Variants in MDGA1 observed in about 807,000 individuals in gnomAD.
The protein encoded by MDGA1 is MAM domain containing glycosylphosphatidylinositol anchor 1, also known as MAM domain-containing glycosylphosphatidylinositol anchor protein 1.
A neutral mutation model predicts 101.5 loss-of-function variants in MDGA1; 54 were observed. The ratio of observed to expected loss-of-function variants is 0.53; its 90% CI spans 0.43 to 0.67. The LOEUF (loss-of-function observed/expected upper bound fraction) is 0.67. MDGA1 is among the 30% of genes least tolerant of loss of function. The pLI, the probability that MDGA1 is intolerant of heterozygous loss-of-function variation, is 0.00. For synonymous variants in MDGA1, 533 were observed against 558.3 expected, an observed-to-expected ratio of 0.95 and a Z score of 0.64; for missense variants, 1,083 against 1,323.8, an observed-to-expected ratio of 0.82 and a Z score of 2.82.
chr6:37,685,426 G>A (rs942952308), intron 1 of MDGA1, among the ~76,000 whole-genome samples: 1 of 152,206 alleles, frequency 6.6e-6, no homozygotes, highest in Non-Finnish European at 1.5e-5. Flanking sequence ...AAGGTCAATA[G>A]GAAGAACTTC....
chr6:37,681,466 T>C (rs1053559569), intron 1 of MDGA1, among the ~76,000 whole-genome samples: 5 of 152,142 alleles, frequency 3.3e-5, no homozygotes, highest in African/African-American at 1.2e-4. Context: ...AGAGGCCATC[T>C]GGAGGGGCAG....
Position 37,652,466 on chromosome 6 carries a change from C to T in MDGA1, c.983-126G>A. The T allele has an allele frequency of 1.6e-6, 1 of 634,066 alleles. No homozygotes were observed. The highest frequency in any genetic ancestry group is 2.7e-6 in the Non-Finnish European group (1 of 369,830). The allele number at this position is 634,066 out of a possible 1,614,324, so 39.3% of individuals were successfully genotyped here. On this transcript the variant is annotated intron_variant, in intron 6 of 16. Transcript: ENST00000434837. This position sits in a 1 kb window ranked among gnomAD's most constrained non-coding sequence, Gnocchi z 4.3. ...CTTCTGGGGATAGGGGGCTACAACT[C>T]CCCCAGGTGAAACTATCACTTTTCT...
At chr6:37,645,999 G>A in intron 11 of MDGA1, 43 bp from the exon 12 acceptor site, 2 of 1,613,770 alleles carry the variant, frequency 1.2e-6, no homozygotes, top group Non-Finnish European at 1.7e-6. Context: ...CTGAGGTGTG[G>A]GGCTCTGCAG....
In MDGA1 at chr6:37,638,275, C is replaced by A. The variant is rs1231135382; in HGVS notation, c.2706G>T (p.Gly902=). Residue 902 remains glycine (G), a synonymous_variant, in exon 16 of 17, where the codon GGG becomes GGT. Coordinates refer to ENST00000434837, the MANE Select transcript of MDGA1 (RefSeq NM_153487.4). This position sits in a 1 kb window ranked among gnomAD's most constrained non-coding sequence, Gnocchi z 4.8. ...FEGVRGPGYL[G]DIAIDDVTLK... ...GTGTGACGTCATCTATGGCAATATC[C>A]CCCAGGTAGCCCGGGCCTCGAACCC... 6.2e-7 allele frequency: 1 copy of A among 1,612,746 alleles called. No homozygotes were observed. The highest frequency in any genetic ancestry group is 1.1e-5 in the South Asian group (1 of 90,774).
intron 1 of MDGA1, among the ~76,000 whole-genome samples, chr6:37,693,572 T>C (rs6903311): frequency 0.018 from 2,765 of 152,344 alleles, 35 homozygotes; most frequent in African/African-American, 0.034. Flanking sequence ...GGAATCCCAC[T>C]GACCTGCGGT....
chr6:37,678,795 G>A (rs881392), intron 1 of MDGA1, among the ~76,000 whole-genome samples: 103,064 of 149,126 alleles, frequency 0.69, 35,993 homozygotes, highest in East Asian at 0.9. Flanking sequence ...AAGACAGCCC[G>A]CCCGCCCCCA....
At chr6:37,639,732 T>G (rs1764019220) in intron 14 of MDGA1, 1 of 152,214 alleles carries the variant, frequency 6.6e-6, no homozygotes, top group Non-Finnish European at 1.5e-5. Flanking sequence ...TTATAAGGCT[T>G]GGCACCAGTA....
Position 37,692,604 on chromosome 6 carries a change from G to A in MDGA1, c.67+4141C>T, listed in dbSNP as rs530986848. On this transcript the variant is annotated intron_variant, in intron 1 of 16. Coordinates refer to ENST00000434837, the MANE Select transcript of MDGA1 (RefSeq NM_153487.4). The stretch of plus-strand genomic sequence containing the variant: ...ATTTCCACTCCCGCCCCCAGGTATT[G>A]ATTTCCTGCATCATTCATTTGCCGG... 9.5e-4 allele frequency among the ~76,000 whole-genome samples: 144 copies of A among 152,160 alleles called. 1 individual carries two copies. Among genetic ancestry groups the A allele is most frequent in the African/African-American group, 3.3e-3 (138 of 41,476 alleles).
chr6:37,659,102 G>A (rs957135565), intron 2 of MDGA1, among the ~76,000 whole-genome samples: 1 of 152,060 alleles, frequency 6.6e-6, no homozygotes, highest in African/African-American at 2.4e-5. Context: ...CAACAGCCGC[G>A]TGAGTTAGCT....
chr6:37,671,161 G>T (rs1434819341), intron 1 of MDGA1, among the ~76,000 whole-genome samples: 1 of 152,162 alleles, frequency 6.6e-6, no homozygotes, highest in African/African-American at 2.4e-5. Flanking sequence ...TTCACTGATA[G>T]TCCATCACAG....
chr6:37,670,819 T>A lies in MDGA1; in HGVS notation c.68-6713A>T, dbSNP rs193286766. Among the ~76,000 whole-genome samples the A allele has an allele frequency of 1.1e-3, 172 of 152,242 alleles. 1 individual carries two copies. The highest frequency in any genetic ancestry group is 2.1e-3 in the Non-Finnish European group (146 of 68,034). ...AAAGGGAAAGTCATATTTAGCTCCA[T>A]TGGCAGAGAAGGAGACCAATGCCTG... On this transcript the variant is annotated intron_variant, in intron 1 of 16. Coordinates refer to ENST00000434837, the MANE Select transcript of MDGA1 (RefSeq NM_153487.4).
chr6:37,653,707 AC>A (rs1486160913), intron 6 of MDGA1, among the ~76,000 whole-genome samples: 1 of 152,266 alleles, frequency 6.6e-6, no homozygotes, highest in Non-Finnish European at 1.5e-5. Flanking sequence ...GCAGTTAATT[AC>A]TGAGGCTGAG....
rs753663146 is a variant in MDGA1, at chr6:37,650,287, G to C, written c.1431C>G (p.Arg477=). Residue 477 remains arginine, a synonymous_variant, in exon 8 of 17, where the codon CGC becomes CGG. Coordinates refer to ENST00000434837, the MANE Select transcript of MDGA1 (RefSeq NM_153487.4). ...GKPRPPVLWS[R]VDKEAALLPS... ...GCAGCAGTGCAGCCTCCTTGTCCAC[G>C]CGGGACCAGAGCACTGGCGGCCGCG... The C allele has an allele frequency of 1.2e-6, 2 of 1,605,162 alleles. No individual in the cohort carries two copies. Among genetic ancestry groups the C allele is most frequent in the South Asian group, 2.2e-5 (2 of 90,070 alleles).
intron 1 of MDGA1, among the ~76,000 whole-genome samples, chr6:37,668,137 G>A (rs1761794927): frequency 6.6e-6 from 1 of 151,912 alleles, no homozygotes; most frequent in African/African-American, 2.4e-5. Flanking sequence ...TGCAGTCCCA[G>A]CTATTCAGGA....
intron 1 of MDGA1, among the ~76,000 whole-genome samples, chr6:37,677,612 AT>A (rs760655018): frequency 6.6e-6 from 1 of 152,212 alleles, no homozygotes; most frequent in Non-Finnish European, 1.5e-5. Context: ...ATGTAAAAAT[AT>A]ATTGACAGGT....
chr6:37,644,542 A>C lies in MDGA1; in HGVS notation c.2356T>G (p.Ser786Ala). The change falls in exon 13 of 17, where the codon TCC becomes GCC. Residue 786 changes from serine (S) to alanine (A), a missense_variant. Physicochemically the swap from Ser to Ala is moderately conservative, Grantham distance 99 (BLOSUM62 1). Transcript: ENST00000434837. ...QNALTQNPKR[S>A]PNTGPPTDIS... ...TCGGTGGGGGGACCAGTGTTGGGGG[A>C]GCGTTTGGGGTTCTGGGTGAGGGCA... 1 of 1,602,356 alleles carries C rather than the reference A, an allele frequency of 6.2e-7. No homozygotes were observed. Among genetic ancestry groups the C allele is most frequent in the Non-Finnish European group, 8.5e-7 (1 of 1,174,508 alleles).
At chr6:37,690,185 G>T (rs562229886) in intron 1 of MDGA1, among the ~76,000 whole-genome samples, 1 of 152,314 alleles carries the variant, frequency 6.6e-6, no homozygotes, top group South Asian at 2.1e-4. Context: ...ACCTCCTGCA[G>T]ATGCCCACAA....
At chr6:37,679,216 T>G (rs1762043045) in intron 1 of MDGA1, among the ~76,000 whole-genome samples, 1 of 151,952 alleles carries the variant, frequency 6.6e-6, no homozygotes, top group Non-Finnish European at 1.5e-5. Context: ...TTTAAATGAC[T>G]TGAAATCGAG....
At chr6:37,680,919 C>G (rs182723605) in intron 1 of MDGA1, among the ~76,000 whole-genome samples, 3 of 152,184 alleles carry the variant, frequency 2.0e-5, no homozygotes, top group Non-Finnish European at 4.4e-5. Flanking sequence ...ACTGAGCTCT[C>G]CAGCTGAGCA....
Sources: allele counts gnomAD v4.1 joint callset (sites outside exome capture counted in the v4.1 genomes callset), GRCh38; gene constraint gnomAD v4.1.1; non-coding constraint Gnocchi (gnomAD v3.1); transcripts MANE v1.5; gene names NCBI Gene and HGNC (gene_info 2026-07-23, HGNC 2026-07-21).